DISP2: variants seen among roughly 807,000 people sequenced by gnomAD.
DISP2 encodes dispatched RND transporter family member 2, also known as protein dispatched homolog 2.
Under a neutral mutation model 95.5 loss-of-function variants are expected in DISP2, and 59 were observed. The observed-to-expected ratio is 0.62, with a 90% CI of 0.50 to 0.77. The LOEUF (loss-of-function observed/expected upper bound fraction) is 0.77. Among genes scored for constraint, DISP2 ranks in the 30% least tolerant of loss-of-function variants. The probability of loss-of-function intolerance (pLI) is 0.00; values close to 1 mark genes in which losing one functional copy is unlikely to be tolerated. For synonymous variants in DISP2, 827 were observed against 815.0 expected (o/e 1.01, Z -0.25); for missense variants, 1,752 against 1,854.6 (o/e 0.94, Z 1.02).
chr15:40,367,236 A>T lies in DISP2; in HGVS notation c.1124A>T (p.Tyr375Phe), dbSNP rs140120816. The part of the protein sequence containing the change: ...LALLRTCALY[Y>F]HSGALVPSCL... ...CTGCTTCGGACCTGTGCCCTCTACTACCACAGTGGCGCCTTGGTGCCCTCT... is the reference window on the plus strand; with the variant it reads ...CTGCTTCGGACCTGTGCCCTCTACTTCCACAGTGGCGCCTTGGTGCCCTCT... The change falls in exon 8 of 8, where the codon TAC (tyrosine) becomes TTC (phenylalanine). Residue 375 changes from tyrosine to phenylalanine, a missense_variant. Tyr to Phe is a conservative substitution (Grantham distance 22). Coordinates refer to ENST00000267889, the MANE Select transcript of DISP2 (RefSeq NM_033510.3). The T allele has an allele frequency of 4.5e-3, 7,310 of 1,613,866 alleles. 17 individuals carry two copies. The highest frequency in any genetic ancestry group is 5.7e-3 in the Non-Finnish European group (6,668 of 1,179,964).
Position 40,369,645 on chromosome 15 carries a change from C to G in DISP2, c.3533C>G (p.Thr1178Ser), listed in dbSNP as rs764411644. The change falls in exon 8 of 8, where the codon ACC (threonine) becomes AGC (serine). Residue 1178 changes from threonine (T) to serine (S), a missense_variant. Coordinates refer to ENST00000267889, the MANE Select transcript of DISP2 (RefSeq NM_033510.3). ...LARRRSPSFD[T>S]STATSKLSHR... ...CGGCGTCGGAGCCCCAGCTTTGACA[C>G]CAGCACAGCCACCAGCAAGCTGTCC... The G allele has an allele frequency of 1.9e-6, 3 of 1,611,798 alleles. No homozygotes were observed. The highest frequency in any genetic ancestry group is 1.1e-5 in the South Asian group (1 of 91,094).
In DISP2 at chr15:40,373,918, G is replaced by A. The variant is rs867611016; in HGVS notation, c.*3600G>A. ...ACTCGGGAGGCTGAGGCAGGAGAAT[G>A]ATGTGAACCCAGGAGGCAGAGCTTG... On this transcript the variant is annotated 3_prime_UTR_variant, in exon 8 of 8. Coordinates refer to ENST00000267889, the MANE Select transcript of DISP2 (RefSeq NM_033510.3). 1 of 146,336 alleles carries A rather than the reference G, an allele frequency of 6.8e-6. No individual in the cohort carries two copies. The highest frequency in any genetic ancestry group is 1.5e-5 in the Non-Finnish European group (1 of 66,596). The allele number at this position is 146,336 out of a possible 1,614,324, so 9.1% of individuals were successfully genotyped here.
chr15:40,359,904 T>C (rs929080829), intron 1 of DISP2, among the ~76,000 whole-genome samples: 1 of 152,266 alleles, frequency 6.6e-6, no homozygotes, highest in Non-Finnish European at 1.5e-5. Flanking sequence ...GTTCACACTT[T>C]GTGTTTTTAA....
In DISP2 at chr15:40,363,946, C is replaced by A; in HGVS notation, c.441C>A (p.Val147=). The A allele has an allele frequency of 6.5e-7, 1 of 1,527,626 alleles. No homozygotes were observed. Among genetic ancestry groups the A allele is most frequent in the South Asian group, 1.3e-5 (1 of 78,258 alleles). 94.6% of individuals were successfully genotyped at this position (1,527,626 alleles called of 1,614,324 possible). A position where few individuals can be genotyped will look rare whatever the true frequency, so the allele number is the denominator to read the frequency against. The change falls in exon 2 of 8, where the codon GTC becomes GTA. Residue 147 remains valine, a synonymous_variant. Transcript: ENST00000267889. ...CACCCGCTGTGCAGCACCATGTGGT[C>A]AGCGTCAGGTAAGGAGGGGTCCAGC... ...WKPPAVQHHV[V]SVRQERAFQM...
At chr15:40,358,534 C>A in intron 1 of DISP2, 94 bp downstream of exon 1, 1 of 963,290 alleles carries the variant, frequency 1.0e-6, no homozygotes. Flanking sequence ...TTGCCCCATT[C>A]ATTCCCCAGA....
rs764294630 is a variant in DISP2 at position 40,376,930 on chromosome 15, C to T, written c.*6612C>T. The T allele has an allele frequency of 6.6e-6, 1 of 152,314 alleles. No homozygotes were observed. Among genetic ancestry groups the T allele is most frequent in the Middle Eastern group, 3.4e-3 (1 of 294 alleles). 9.4% of individuals were successfully genotyped at this position (152,314 alleles called of 1,614,324 possible). A position where few individuals can be genotyped will look rare whatever the true frequency, so the allele number is the denominator to read the frequency against. On this transcript the variant is annotated 3_prime_UTR_variant, in exon 8 of 8. Coordinates refer to ENST00000267889, the MANE Select transcript of DISP2 (RefSeq NM_033510.3). ...TTCTGTTAGAAGGTCAGAATTGGCT[C>T]ACAGGTTTGACAGAGAGGATAGTCT...
At chr15:40,363,581 C>A (rs777666589) in intron 1 of DISP2, 44 bp from the exon 2 acceptor site, 2 of 1,401,294 alleles carry the variant, frequency 1.4e-6, no homozygotes, top group Non-Finnish European at 1.9e-6. Context: ...GGGTGGCCCA[C>A]CACCATCCCC....
At position 40,374,373 on chromosome 15, in the gene DISP2, G is replaced by C. The variant is rs760428646; in HGVS notation, c.*4055G>C. 4 of 151,094 alleles carry C rather than the reference G, an allele frequency of 2.6e-5. No homozygotes were observed. Among genetic ancestry groups the C allele is most frequent in the Non-Finnish European group, 5.9e-5 (4 of 67,868 alleles). 9.4% of individuals were successfully genotyped at this position (151,094 alleles called of 1,614,324 possible). On this transcript the variant is annotated 3_prime_UTR_variant, in exon 8 of 8. Transcript: ENST00000267889. Reference sequence around the variant, plus strand: ...TCTCGATCTCCTGACCTCATGATCCGCCTGCCTCGGCCTCCCAGAGTGCTG... The same window carrying C: ...TCTCGATCTCCTGACCTCATGATCCCCCTGCCTCGGCCTCCCAGAGTGCTG...
chr15:40,362,850 ATCTG>A (rs1225984360), intron 1 of DISP2, among the ~76,000 whole-genome samples: 4 of 152,218 alleles, frequency 2.6e-5, no homozygotes, highest in African/African-American at 9.6e-5. Context: ...GTGCTCAATA[ATCTG>A]TCTGGCAAGA....
Position 40,367,584 on chromosome 15 carries a change from A to T in DISP2, c.1472A>T (p.Tyr491Phe), listed in dbSNP as rs1566915966. 1 of 1,613,718 alleles carries T rather than the reference A, an allele frequency of 6.2e-7. No individual in the cohort carries two copies. Among genetic ancestry groups the T allele is most frequent in the South Asian group, 1.1e-5 (1 of 91,050 alleles). ...CACTTCCTGGTCCAGGACACGGTGT[A>T]CCCCTTGCTGGCTCTGGTTGCCATC... ...LRHFLVQDTV[Y>F]PLLALVAIFF... Residue 491 changes from tyrosine to phenylalanine, a missense_variant, in exon 8 of 8, where the codon TAC becomes TTC. By Grantham distance (22) the Tyr-to-Phe change is conservative. Around this residue, in one of 5 missense-constraint regions of DISP2, gnomAD observed 732 missense variants for 714.6 expected, o/e 1.02. Coordinates refer to ENST00000267889, the MANE Select transcript of DISP2 (RefSeq NM_033510.3).
chr15:40,363,416 G>A (rs564802580), intron 1 of DISP2, among the ~76,000 whole-genome samples: 1 of 152,228 alleles, frequency 6.6e-6, no homozygotes, highest in Non-Finnish European at 1.5e-5. Context: ...TGGAAAATGA[G>A]TGAATGAGAG....
Position 40,369,019 on chromosome 15 carries a change from C to T in DISP2, c.2907C>T (p.Gly969=), listed in dbSNP as rs774491852. ...SLSTEPAVVL[G]LALALAFATL... ...GCACTGAGCCTGCTGTGGTGCTGGG[C>T]CTGGCTTTGGCGCTGGCCTTTGCCA... The change falls in exon 8 of 8, where the codon GGC becomes GGT. Residue 969 remains glycine, a synonymous_variant. Coordinates refer to ENST00000267889, the MANE Select transcript of DISP2 (RefSeq NM_033510.3). The T allele has an allele frequency of 5.6e-6, 9 of 1,614,012 alleles. No homozygotes were observed. The Admixed American group carries it at 1.2e-4, about 21-fold the overall frequency.
intron 4 of DISP2, 119 bp from the exon 5 acceptor site, chr15:40,364,719 A>G (rs1050740637): frequency 7.2e-7 from 1 of 1,394,196 alleles, no homozygotes; most frequent in African/African-American, 1.4e-5. Context: ...CACATCCACA[A>G]TTCAGGCAGG....
chr15:40,376,578 C>A lies in DISP2; in HGVS notation c.*6260C>A. The stretch of plus-strand genomic sequence containing the variant: ...GAGGTTGCAGTGAGCCAAGATCATG[C>A]CATTGCACTCCAGCCTGGGTGACAG... On this transcript the variant is annotated 3_prime_UTR_variant, in exon 8 of 8. Coordinates refer to ENST00000267889, the MANE Select transcript of DISP2 (RefSeq NM_033510.3). 6.6e-6 allele frequency: 1 copy of A among 152,106 alleles called. No individual in the cohort carries two copies. 9.4% of individuals were successfully genotyped at this position (152,106 alleles called of 1,614,324 possible). A position where few individuals can be genotyped will look rare whatever the true frequency, so the allele number is the denominator to read the frequency against.
chr15:40,371,499 A>C lies in DISP2; in HGVS notation c.*1181A>C, dbSNP rs1889645128. On this transcript the variant is annotated 3_prime_UTR_variant, in exon 8 of 8. Coordinates refer to ENST00000267889, the MANE Select transcript of DISP2 (RefSeq NM_033510.3). ...TGCCTCTTCTACAGCCACAGTGTAT[A>C]AGAGGCCCCACCAGAAGAGGTACTG... 2 of 152,280 alleles carry C rather than the reference A, an allele frequency of 1.3e-5. No individual in the cohort carries two copies. The highest frequency in any genetic ancestry group is 2.9e-5 in the Non-Finnish European group (2 of 68,096). 9.4% of individuals were successfully genotyped at this position (152,280 alleles called of 1,614,324 possible).
rs552544285 is a variant in DISP2, at chr15:40,369,683, G to A, written c.3571G>A (p.Val1191Ile). The A allele has an allele frequency of 1.2e-6, 2 of 1,612,024 alleles. No homozygotes were observed. Among genetic ancestry groups the A allele is most frequent in the Non-Finnish European group, 1.7e-6 (2 of 1,179,992 alleles). ...CAGCAAGCTGTCCCACCGGCCCTCAGTACTCTCTGAGGATCTGCAGCTCCA... is the reference window on the plus strand; with the variant it reads ...CAGCAAGCTGTCCCACCGGCCCTCAATACTCTCTGAGGATCTGCAGCTCCA... The part of the protein sequence containing the change: ...ATSKLSHRPS[V>I]LSEDLQLHDG... Residue 1191 changes from valine to isoleucine, a missense_variant, in exon 8 of 8, where the codon GTA (valine) becomes ATA (isoleucine). By Grantham distance (29) the Val-to-Ile change is conservative. Transcript: ENST00000267889.
chr15:40,367,250 T>C lies in DISP2; in HGVS notation c.1138T>C (p.Leu380=), dbSNP rs2141261839. The C allele has an allele frequency of 1.9e-6, 3 of 1,613,920 alleles. No individual in the cohort carries two copies. The highest frequency in any genetic ancestry group is 2.5e-6 in the Non-Finnish European group (3 of 1,179,968). ...TGCCCTCTACTACCACAGTGGCGCC[T>C]TGGTGCCCTCTTGTCTGGGACCTGG... is the stretch of plus-strand genomic sequence containing the variant. The part of the protein sequence containing the change: ...TCALYYHSGA[L]VPSCLGPGQN... Residue 380 remains leucine, a synonymous_variant, in exon 8 of 8, where the codon TTG becomes CTG. Coordinates refer to ENST00000267889, the MANE Select transcript of DISP2 (RefSeq NM_033510.3).
rs2141264484 is a variant in DISP2 at position 40,370,658 on chromosome 15, A to G, written c.*340A>G. 1.9e-6 allele frequency: 1 copy of G among 525,746 alleles called. No homozygotes were observed. The highest frequency in any genetic ancestry group is 1.5e-5 in the South Asian group (1 of 65,168). 32.6% of individuals were successfully genotyped at this position (525,746 alleles called of 1,614,324 possible). On this transcript the variant is annotated 3_prime_UTR_variant, in exon 8 of 8. Coordinates refer to ENST00000267889, the MANE Select transcript of DISP2 (RefSeq NM_033510.3). ...ATCAGAGGAGGCTGACCTGGCCCCC[A>G]TCCCAAGTTACAAGAACTTCAGTGA...
At chr15:40,364,107 A>G in intron 2 of DISP2, 119 bp from the exon 3 acceptor site, 1 of 1,525,516 alleles carries the variant, frequency 6.6e-7, no homozygotes, top group Non-Finnish European at 9.0e-7. Flanking sequence ...GCAAAGCGCT[A>G]AAAGGGTTAA....
Sources: gnomAD v4.1 joint callset for allele counts (sites outside exome capture counted in the v4.1 genomes callset) on GRCh38, gnomAD v4.1.1 for gene constraint, gnomAD v4.1.1 regional missense constraint, MANE v1.5 for transcripts, NCBI Gene and HGNC (gene_info 2026-07-23, HGNC 2026-07-21) for gene names.